The following DLG2 variants were observed in gnomAD, a reference collection of about 807,000 sequenced individuals.
DLG2 encodes the protein disks large homolog 2.
Under a neutral mutation model 132.5 loss-of-function variants are expected in DLG2, and 45 were observed. The observed-to-expected ratio is 0.34, with a 90% CI of 0.27 to 0.44. The LOEUF (loss-of-function observed/expected upper bound fraction) is 0.44. Among genes scored for constraint, DLG2 ranks in the 20% least tolerant of loss-of-function variants. The pLI is 1.00. For synonymous variants in DLG2, 424 were observed against 419.6 expected (o/e 1.01, Z -0.13); for missense variants, 1,045 against 1,196.9 (o/e 0.87, Z 1.87).
intron 3 of DLG2, among the ~76,000 whole-genome samples, chr11:85,350,167 G>A (rs1303501496): frequency 6.6e-6 from 1 of 152,218 alleles, no homozygotes; most frequent in Admixed American, 6.5e-5. Flanking sequence ...GACCAGTGAT[G>A]ATGAGCATTT....
At chr11:85,366,237 A>T (rs1265429941) in intron 3 of DLG2, among the ~76,000 whole-genome samples, 1 of 152,178 alleles carries the variant, frequency 6.6e-6, no homozygotes, top group African/African-American at 2.4e-5. Flanking sequence ...GTGAAATAAC[A>T]TAGCTTTTCA....
At chr11:84,782,956 C>T (rs2072103671) in intron 6 of DLG2, among the ~76,000 whole-genome samples, 3 of 152,220 alleles carry the variant, frequency 2.0e-5, no homozygotes, top group African/African-American at 7.2e-5. Context: ...CGTGTAGCAT[C>T]TTGCTGTTTC....
chr11:83,780,168 G>A (rs1409904605), intron 18 of DLG2, among the ~76,000 whole-genome samples: 1 of 152,164 alleles, frequency 6.6e-6, no homozygotes, highest in Non-Finnish European at 1.5e-5. Flanking sequence ...AAAGAAATAT[G>A]TCTTGCATTG....
intron 6 of DLG2, among the ~76,000 whole-genome samples, chr11:84,572,904 C>T (rs576940878): frequency 6.6e-6 from 1 of 152,090 alleles, no homozygotes; most frequent in Non-Finnish European, 1.5e-5. Flanking sequence ...CCAAGAGAAA[C>T]CTACACCAAC....
intron 10 of DLG2, among the ~76,000 whole-genome samples, chr11:84,089,661 C>G (rs2097056203): frequency 6.6e-6 from 1 of 152,112 alleles, no homozygotes; most frequent in Non-Finnish European, 1.5e-5. Flanking sequence ...TTTATGAGGA[C>G]AAAGACAACC....
chr11:84,356,916 A>G (rs2098616468), intron 7 of DLG2, among the ~76,000 whole-genome samples: 1 of 152,022 alleles, frequency 6.6e-6, no homozygotes, highest in African/African-American at 2.4e-5. Context: ...TTCCAGAGAG[A>G]GAAGAGAAAT....
At chr11:84,880,862 T>C (rs1472477644) in intron 6 of DLG2, among the ~76,000 whole-genome samples, 2 of 152,132 alleles carry the variant, frequency 1.3e-5, no homozygotes, top group Non-Finnish European at 2.9e-5. Flanking sequence ...TACTGTGAAA[T>C]AATTAATTAA....
In DLG2 at chr11:83,880,668, G is replaced by A. The variant is rs116404471; in HGVS notation, c.1497-6180C>T. Among the ~76,000 whole-genome samples, 198 of 152,252 alleles carry A rather than the reference G, an allele frequency of 1.3e-3. 1 individual carries two copies. Among genetic ancestry groups the A allele is most frequent in the African/African-American group, 4.3e-3 (178 of 41,542 alleles). ...TTCCACCATTGACTGAAAGGACCAC[G>A]GCTCTATTAACAGAAGTGCATGTGT... On this transcript the variant is annotated intron_variant, in intron 15 of 27. Coordinates refer to ENST00000376104, the MANE Select transcript of DLG2 (RefSeq NM_001142699.3).
intron 7 of DLG2, among the ~76,000 whole-genome samples, chr11:84,391,209 C>T (rs2098791522): frequency 6.6e-6 from 1 of 152,064 alleles, no homozygotes; most frequent in African/African-American, 2.4e-5. Flanking sequence ...AGGGAAAGCT[C>T]TAAAAACAAG....
intron 6 of DLG2, among the ~76,000 whole-genome samples, chr11:84,778,650 T>A (rs2071134688): frequency 6.6e-6 from 1 of 152,178 alleles, no homozygotes; most frequent in Non-Finnish European, 1.5e-5. Flanking sequence ...CTTGTAGACA[T>A]CTTTCACCTT....
At chr11:84,941,894 A>AT (rs971549044) in intron 6 of DLG2, among the ~76,000 whole-genome samples, 8 of 151,932 alleles carry the variant, frequency 5.3e-5, no homozygotes, top group African/African-American at 1.7e-4. Flanking sequence ...TTGCTGGGAG[A>AT]TTTTTTATTA....
chr11:85,476,512 TTTG>T (rs2093147307), intron 3 of DLG2, among the ~76,000 whole-genome samples: 1 of 152,176 alleles, frequency 6.6e-6, no homozygotes, highest in Non-Finnish European at 1.5e-5. Flanking sequence ...TTTTGCCTCT[TTTG>T]TTGTTACATT....
chr11:83,593,041 TG>T (rs1460506578), intron 19 of DLG2, among the ~76,000 whole-genome samples: 2 of 105,056 alleles, frequency 1.9e-5, no homozygotes, highest in Non-Finnish European at 3.8e-5. Flanking sequence ...TTTACACTGT[TG>T]GTGGGACTGT....
chr11:83,605,173 C>G (rs2059165736), intron 19 of DLG2, among the ~76,000 whole-genome samples: 1 of 152,182 alleles, frequency 6.6e-6, no homozygotes, highest in Admixed American at 6.5e-5. Context: ...CCCATTTCTG[C>G]TTTCTTGAGC....
intron 5 of DLG2, among the ~76,000 whole-genome samples, chr11:85,122,234 C>A (rs914819857): frequency 7.2e-5 from 11 of 152,158 alleles, no homozygotes; most frequent in Admixed American, 2.6e-4. Flanking sequence ...AAGATGCAGA[C>A]AATGTGCGGA....
intron 6 of DLG2, among the ~76,000 whole-genome samples, chr11:84,904,720 A>G (rs1464130701): frequency 6.6e-6 from 1 of 152,196 alleles, no homozygotes; most frequent in Admixed American, 6.5e-5. Flanking sequence ...AGTGTCTAAT[A>G]CACACAAAAA....
At chr11:85,178,426 T>C (rs1441607407) in intron 4 of DLG2, among the ~76,000 whole-genome samples, 4 of 151,984 alleles carry the variant, frequency 2.6e-5, no homozygotes, top group Non-Finnish European at 5.9e-5. Flanking sequence ...AGATTATTTA[T>C]AAATAAATAG....
intron 11 of DLG2, among the ~76,000 whole-genome samples, chr11:84,057,951 G>A (rs1266766061): frequency 3.9e-5 from 6 of 152,264 alleles, no homozygotes; most frequent in South Asian, 4.1e-4. Flanking sequence ...TGCTTACCAT[G>A]TGCCAGCTAT....
chr11:84,341,678 T>A (rs973103266), intron 7 of DLG2, among the ~76,000 whole-genome samples: 1 of 152,234 alleles, frequency 6.6e-6, no homozygotes, highest in African/African-American at 2.4e-5. Flanking sequence ...CAGCCCTAGA[T>A]AAACCCACTG....
Sources: gnomAD v4.1 joint callset for allele counts (sites outside exome capture counted in the v4.1 genomes callset) on GRCh38, gnomAD v4.1.1 for gene constraint, MANE v1.5 for transcripts, NCBI Gene and HGNC (gene_info 2026-07-23, HGNC 2026-07-21) for gene names.